The following THSD7B variants were observed in gnomAD, a reference collection of about 807,000 sequenced individuals.
THSD7B encodes thrombospondin type-1 domain-containing protein 7B.
Under a neutral mutation model 213.6 loss-of-function variants are expected in THSD7B, and 138 were observed. The observed-to-expected ratio is 0.65, with a 90% CI of 0.56 to 0.74. The LOEUF is 0.74. Among genes scored for constraint, THSD7B ranks in the 30% least tolerant of loss-of-function variants. THSD7B has a pLI of 0.00. For missense variants in THSD7B, 1,931 were observed against 1,991.5 expected, an observed-to-expected ratio of 0.97 and a Z score of 0.58; for synonymous variants, 742 against 687.0, an observed-to-expected ratio of 1.08 and a Z score of -1.25.
chr2:137,140,145 TAC>T (rs1224763522), intron 5 of THSD7B, among the ~76,000 whole-genome samples: 2 of 151,926 alleles, frequency 1.3e-5, no homozygotes, highest in Non-Finnish European at 2.9e-5. Context: ...ATTTAGTGCA[TAC>T]ACACACACAC....
intron 25 of THSD7B, 99 bp from the exon 26 acceptor site, chr2:137,663,284 G>A (rs1683386846): frequency 9.8e-7 from 1 of 1,025,310 alleles, no homozygotes; most frequent in Non-Finnish European, 1.3e-6. Flanking sequence ...ACATTGCCAT[G>A]ATGTATAGTG....
At chr2:137,232,865 A>G (rs1681670893) in intron 8 of THSD7B, 34 bp from the exon 9 acceptor site, 2 of 1,599,698 alleles carry the variant, frequency 1.3e-6, no homozygotes, top group Non-Finnish European at 1.7e-6. Flanking sequence ...AACAGCAACC[A>G]CTATGTATTA....
chr2:137,645,723 A>G (rs933583019), intron 21 of THSD7B, among the ~76,000 whole-genome samples: 2 of 151,946 alleles, frequency 1.3e-5, no homozygotes, highest in South Asian at 2.1e-4. Flanking sequence ...CTAAGGGTCC[A>G]TGTATCAGTA....
intron 17 of THSD7B, among the ~76,000 whole-genome samples, chr2:137,607,976 G>T (rs777756762): frequency 7.2e-5 from 11 of 151,960 alleles, no homozygotes; most frequent in Non-Finnish European, 1.2e-4. Flanking sequence ...TTTGCAGTAG[G>T]CCAGCAAAGT....
intron 12 of THSD7B, among the ~76,000 whole-genome samples, chr2:137,329,838 A>G (rs1403303854): frequency 6.6e-6 from 1 of 152,178 alleles, no homozygotes; most frequent in Non-Finnish European, 1.5e-5. Context: ...TCACCAAGAC[A>G]ATGGGGAAAC....
intron 1 of THSD7B, among the ~76,000 whole-genome samples, chr2:136,774,175 T>C (rs974342113): frequency 1.3e-5 from 2 of 152,098 alleles, no homozygotes; most frequent in East Asian, 3.9e-4. Context: ...CTAATACACA[T>C]GAAATGGGCA....
rs751860670 is a variant in THSD7B at position 137,655,491 on chromosome 2, C to G, written c.3946-10C>G. On this transcript the variant is annotated splice_polypyrimidine_tract_variant and intron_variant, in intron 21 of 27. Transcript: ENST00000409968. The stretch of plus-strand genomic sequence containing the variant: ...TTGGGTAATTGTGAAAGTATCCTTT[C>G]CTCTCATAGGGTGGAGACTGTGGGG... 12 of 1,602,258 alleles carry G rather than the reference C, an allele frequency of 7.5e-6. No individual in the cohort carries two copies. In the East Asian group the frequency reaches 2.7e-4, roughly 36 times the overall value.
chr2:137,676,405 G>A, intron 27 of THSD7B, 119 bp from the exon 28 acceptor site: 2 of 906,934 alleles, frequency 2.2e-6, no homozygotes, highest in Non-Finnish European at 3.3e-6. Flanking sequence ...CACACATCTA[G>A]AGAAATGAAT....
intron 3 of THSD7B, among the ~76,000 whole-genome samples, chr2:137,077,226 T>A (rs1364154625): frequency 2.0e-5 from 3 of 152,152 alleles, no homozygotes; most frequent in African/African-American, 7.2e-5. Context: ...AGTCTATCAT[T>A]GTTGGACATT....
chr2:137,584,089 T>A (rs886486903), intron 17 of THSD7B, among the ~76,000 whole-genome samples: 1 of 152,156 alleles, frequency 6.6e-6, no homozygotes, highest in Non-Finnish European at 1.5e-5. Flanking sequence ...TATTTCATTC[T>A]CTTTGAAGCA....
At chr2:136,789,131 T>A (rs537462739) in intron 1 of THSD7B, among the ~76,000 whole-genome samples, 1 of 152,148 alleles carries the variant, frequency 6.6e-6, no homozygotes, top group Non-Finnish European at 1.5e-5. Flanking sequence ...TAAAGGGATA[T>A]TATTGCAAGG....
chr2:137,532,914 T>C (rs1204697451), intron 15 of THSD7B, among the ~76,000 whole-genome samples: 1 of 151,392 alleles, frequency 6.6e-6, no homozygotes, highest in Non-Finnish European at 1.5e-5. Flanking sequence ...TGTATACATA[T>C]ATGCATAGAT....
chr2:137,581,692 G>A (rs995349702), intron 17 of THSD7B, among the ~76,000 whole-genome samples: 4 of 149,536 alleles, frequency 2.7e-5, no homozygotes, highest in African/African-American at 9.8e-5. Context: ...CCCGGGAGGC[G>A]GAGCTTGCAG....
rs555150819 is a variant in THSD7B, at chr2:136,874,265, A to C, written c.-35-7879A>C. On this transcript the variant is annotated intron_variant, in intron 1 of 27. Coordinates refer to ENST00000409968, the MANE Select transcript of THSD7B (RefSeq NM_001316349.2). ...TGATGGACCATGCCTCAGTTTTCTT[A>C]TCTCTAAAGTGGGGCATAATATGAA... Among the ~76,000 whole-genome samples, 3 of 152,306 alleles carry C rather than the reference A, an allele frequency of 2.0e-5. 1 individual carries two copies. In the South Asian group the frequency reaches 6.2e-4, roughly 32 times the overall value.
At position 137,176,318 on chromosome 2, in the gene THSD7B, T is replaced by C. The variant is rs748758141; in HGVS notation, c.1723+5380T>C. Among the ~76,000 whole-genome samples, 3 of 152,220 alleles carry C rather than the reference T, an allele frequency of 2.0e-5. No homozygotes were observed. The East Asian group carries it at 5.8e-4, about 29-fold the overall frequency. On this transcript the variant is annotated intron_variant, in intron 7 of 27. Transcript: ENST00000409968. ...AATATGCGGTTTATTAAGATGTGCA[T>C]TTTAGAAAGGATAATAGTAATCAGA...
At chr2:137,352,237 T>C (rs1241792464) in intron 12 of THSD7B, among the ~76,000 whole-genome samples, 1 of 151,852 alleles carries the variant, frequency 6.6e-6, no homozygotes, top group Admixed American at 6.6e-5. Flanking sequence ...GGATGAAGTC[T>C]TTTCAGGGCA....
rs78747413 is a variant in THSD7B at position 137,174,877 on chromosome 2, TA to T, written c.1723+3940del. On this transcript the variant is annotated intron_variant, in intron 7 of 27. Coordinates refer to ENST00000409968, the MANE Select transcript of THSD7B (RefSeq NM_001316349.2). ...ACAAGTATGTTTCCTCATTTCAAAG[TA>T]GCACTTGAAATGTAAATGGAGTGAG... Among the ~76,000 whole-genome samples the T allele has an allele frequency of 3.4e-4, 52 of 152,324 alleles. No individual in the cohort carries two copies. In the East Asian group the frequency reaches 9.2e-3, roughly 27 times the overall value.
intron 12 of THSD7B, among the ~76,000 whole-genome samples, chr2:137,314,148 C>A: frequency 6.6e-6 from 1 of 152,186 alleles, no homozygotes; most frequent in East Asian, 1.9e-4. Flanking sequence ...GTACACCAAT[C>A]AGATGTAGAT....
intron 1 of THSD7B, among the ~76,000 whole-genome samples, chr2:136,880,642 C>T (rs184649095): frequency 6.6e-5 from 10 of 152,212 alleles, no homozygotes; most frequent in Non-Finnish European, 1.2e-4. Flanking sequence ...TGCAGTCTTT[C>T]TGTCCTTTTT....
Sources: allele counts gnomAD v4.1 joint callset (sites outside exome capture counted in the v4.1 genomes callset), GRCh38; gene constraint gnomAD v4.1.1; transcripts MANE v1.5; gene names NCBI Gene and HGNC (gene_info 2026-07-23, HGNC 2026-07-21).